Variants in UBA2 observed in about 807,000 individuals in gnomAD.
The protein encoded by UBA2 is ubiquitin like modifier activating enzyme 2.
A neutral mutation model predicts 77.2 loss-of-function variants in UBA2; 11 were observed. That is an observed-to-expected ratio of 0.14 (90% CI 0.09 to 0.24). The LOEUF is 0.24. Among genes scored for constraint, UBA2 ranks in the 10% least tolerant of loss-of-function variants. The pLI, the probability that UBA2 is intolerant of heterozygous loss-of-function variation, is 1.00. For synonymous variants in UBA2, 278 were observed against 276.7 expected, an observed-to-expected ratio of 1.00 and a Z score of -0.05; for missense variants, 487 against 781.7, an observed-to-expected ratio of 0.62 and a Z score of 4.50.
At chr19:34,441,675 CT>C (rs2075371032) in intron 6 of UBA2, among the ~76,000 whole-genome samples, 1 of 151,570 alleles carries the variant, frequency 6.6e-6, no homozygotes, top group South Asian at 2.1e-4. Context: ...CATTTTTTTT[CT>C]TTGGGAGGCT....
chr19:34,432,385 G>T (rs2075265413), intron 3 of UBA2, among the ~76,000 whole-genome samples: 2 of 152,322 alleles, frequency 1.3e-5, no homozygotes, highest in African/African-American at 4.8e-5. Flanking sequence ...TCTCAGTAAA[G>T]ATAGAGTAAA....
rs2075717955 is a variant in UBA2 at position 34,469,337 on chromosome 19, C to G, written c.*116C>G. ...TGACAGCAGTGACTTGAAAATGATTCTGCTCCCTTTGAAAGCATTCATTTT... is the reference window on the plus strand; with the variant it reads ...TGACAGCAGTGACTTGAAAATGATTGTGCTCCCTTTGAAAGCATTCATTTT... On this transcript the variant is annotated 3_prime_UTR_variant, in exon 17 of 17. Transcript: ENST00000246548. 1 of 946,574 alleles carries G rather than the reference C, an allele frequency of 1.1e-6. No homozygotes were observed. Among genetic ancestry groups the G allele is most frequent in the Non-Finnish European group, 1.5e-6 (1 of 681,750 alleles). The allele number at this position is 946,574 out of a possible 1,614,324, so 58.6% of individuals were successfully genotyped here.
At chr19:34,467,554 C>T (rs911374123) in intron 16 of UBA2, among the ~76,000 whole-genome samples, 7 of 151,950 alleles carry the variant, frequency 4.6e-5, no homozygotes, top group South Asian at 2.1e-4. Context: ...GCGGGCAGAT[C>T]GCCTGAGCTC....
intron 9 of UBA2, among the ~76,000 whole-genome samples, chr19:34,450,671 C>T (rs2075483307): frequency 6.8e-6 from 1 of 147,514 alleles, no homozygotes; most frequent in Non-Finnish European, 1.5e-5. Context: ...TAACTAGTCT[C>T]TTATTAACAT....
chr19:34,455,778 G>A (rs1241691142), intron 12 of UBA2, among the ~76,000 whole-genome samples: 2 of 152,048 alleles, frequency 1.3e-5, no homozygotes, highest in Non-Finnish European at 1.5e-5. Context: ...TCAGTAGCTA[G>A]GATTACAGGT....
At chr19:34,453,285 C>T (rs1463394983) in intron 10 of UBA2, among the ~76,000 whole-genome samples, 1 of 152,132 alleles carries the variant, frequency 6.6e-6, no homozygotes, top group African/African-American at 2.4e-5. Context: ...TGTGATGCCT[C>T]TGAATTTTAG....
At chr19:34,440,453 A>G (rs2075356674) in intron 6 of UBA2, among the ~76,000 whole-genome samples, 1 of 152,204 alleles carries the variant, frequency 6.6e-6, no homozygotes, top group Non-Finnish European at 1.5e-5. Flanking sequence ...TGCAAGGAGT[A>G]TATTGTAATA....
chr19:34,446,219 T>G (rs2145523374), intron 8 of UBA2, among the ~76,000 whole-genome samples: 1 of 152,266 alleles, frequency 6.6e-6, no homozygotes, highest in Middle Eastern at 3.4e-3. Context: ...TTCTCAGCTC[T>G]TATCAAACTG....
intron 12 of UBA2, 144 bp downstream of exon 12, chr19:34,454,700 G>A: frequency 4.0e-6 from 2 of 497,430 alleles, no homozygotes; most frequent in East Asian, 3.3e-5. Flanking sequence ...TACCAAGTGA[G>A]TGTGTGTTTA....
intron 9 of UBA2, among the ~76,000 whole-genome samples, chr19:34,450,648 C>T (rs1364588249): frequency 6.6e-6 from 1 of 150,816 alleles, no homozygotes; most frequent in Non-Finnish European, 1.5e-5. Context: ...TTGCTTTTGT[C>T]AGTCAGTATA....
At chr19:34,437,706 G>T (rs1046073187) in intron 5 of UBA2, among the ~76,000 whole-genome samples, 1 of 152,180 alleles carries the variant, frequency 6.6e-6, no homozygotes, top group South Asian at 2.1e-4. Flanking sequence ...CAGGTGTCAT[G>T]TACTTCTTCC....
At chr19:34,466,562 T>G (rs1031769081) in intron 15 of UBA2, among the ~76,000 whole-genome samples, 11 of 152,138 alleles carry the variant, frequency 7.2e-5, no homozygotes, top group African/African-American at 2.7e-4. Context: ...AAATTTGTTG[T>G]GTACCGTCTT....
intron 6 of UBA2, among the ~76,000 whole-genome samples, 171 bp downstream of exon 6, chr19:34,438,937 G>A (rs1405736612): frequency 3.3e-5 from 5 of 152,066 alleles, no homozygotes; most frequent in South Asian, 2.1e-4. Context: ...GGCCGGGTGC[G>A]GTGGCTCACA....
chr19:34,457,176 AAAAATAT>A (rs1183858412), intron 12 of UBA2, among the ~76,000 whole-genome samples: 4 of 100,196 alleles, frequency 4.0e-5, no homozygotes, highest in Non-Finnish European at 5.5e-5. Context: ...TAAAAAAAAA[AAAAATAT>A]ATATATATAT....
At chr19:34,434,824 ATT>A in intron 4 of UBA2, 42 bp from the exon 5 acceptor site, 3 of 1,342,998 alleles carry the variant, frequency 2.2e-6, no homozygotes, top group Admixed American at 2.1e-5. Context: ...AAGATAACTA[ATT>A]TTTTTTTTCC....
At chr19:34,462,633 G>T (rs573283754) in intron 14 of UBA2, among the ~76,000 whole-genome samples, 1 of 151,380 alleles carries the variant, frequency 6.6e-6, no homozygotes, top group Non-Finnish European at 1.5e-5. Flanking sequence ...ATGTTAAAAA[G>T]CCAAAAAAAA....
At chr19:34,465,569 G>C (rs1010649383) in intron 15 of UBA2, among the ~76,000 whole-genome samples, 1 of 150,100 alleles carries the variant, frequency 6.7e-6, no homozygotes, top group African/African-American at 2.5e-5. Flanking sequence ...CCGGGGAGCC[G>C]AGTTTGCAGT....
chr19:34,463,995 C>G, intron 14 of UBA2, 31 bp from the exon 15 acceptor site: 2 of 1,446,292 alleles, frequency 1.4e-6, no homozygotes, highest in South Asian at 1.1e-5. Context: ...GAAGATGTAA[C>G]TGAAGTATCT....
intron 5 of UBA2, among the ~76,000 whole-genome samples, chr19:34,437,022 G>A (rs1030649868): frequency 1.3e-5 from 2 of 152,158 alleles, no homozygotes; most frequent in Non-Finnish European, 2.9e-5. Context: ...CATATTGGAA[G>A]GCTGAGGGCA....
Sources: allele counts gnomAD v4.1 joint callset (sites outside exome capture counted in the v4.1 genomes callset), GRCh38; gene constraint gnomAD v4.1.1; transcripts MANE v1.5; gene names NCBI Gene and HGNC (gene_info 2026-07-23, HGNC 2026-07-21).